The following GALNT13 variants were observed in gnomAD, a reference collection of about 807,000 sequenced individuals.
GALNT13 encodes polypeptide N-acetylgalactosaminyltransferase 13, also known as UDP-GalNAc:polypeptide N-acetylgalactosaminyltransferase 13.
In GALNT13, 28 loss-of-function variants were observed where a neutral mutation model predicts 64.2. That is an observed-to-expected ratio of 0.44 (90% CI 0.32 to 0.60). GALNT13 has a LOEUF of 0.60. GALNT13 is among the 20% of genes least tolerant of loss of function. GALNT13 has a pLI of 0.05. For synonymous variants in GALNT13, 214 were observed against 224.6 expected, an observed-to-expected ratio of 0.95 and a Z score of 0.42; for missense variants, 577 against 669.8, an observed-to-expected ratio of 0.86 and a Z score of 1.53.
At chr2:153,773,203 G>A in the GALNT13 span, among the ~76,000 whole-genome samples, 1 of 152,222 alleles carries the variant, frequency 6.6e-6, no homozygotes, top group African/African-American at 2.4e-5. Flanking sequence ...ACTAGGCAGA[G>A]TCACTGCTTG....
rs189788906 is a variant in GALNT13, at chr2:154,052,392, A to T, written c.143-87945A>T. On this transcript the variant is annotated intron_variant, in intron 3 of 12. Transcript: ENST00000392825. ...ACCTTCAAATGACCCCATTATCTCC[A>T]TGCATGAAACACCAGTTCAAGTGTA... is the stretch of plus-strand genomic sequence containing the variant. Among the ~76,000 whole-genome samples, 47 of 152,256 alleles carry T rather than the reference A, an allele frequency of 3.1e-4. 2 individuals carry two copies. Among genetic ancestry groups the T allele is most frequent in the Admixed American group, 2.7e-3 (41 of 15,302 alleles).
At chr2:154,273,919 TAAA>T (rs781711494) in intron 8 of GALNT13, among the ~76,000 whole-genome samples, 31 of 152,196 alleles carry the variant, frequency 2.0e-4, no homozygotes, top group Non-Finnish European at 3.8e-4. Context: ...TAAATAATAA[TAAA>T]ATCATTTTAC....
At chr2:154,430,627 GT>G (rs1260996903) in intron 11 of GALNT13, among the ~76,000 whole-genome samples, 3 of 152,164 alleles carry the variant, frequency 2.0e-5, no homozygotes, top group Non-Finnish European at 2.9e-5. Context: ...GCAGTGTCAG[GT>G]TTTGAGAGGA....
At chr2:153,494,506 G>A in the GALNT13 span, among the ~76,000 whole-genome samples, 2 of 151,870 alleles carry the variant, frequency 1.3e-5, no homozygotes, top group African/African-American at 4.8e-5. Context: ...CAATCCAATG[G>A]GGAAGGGAAC....
intron 3 of GALNT13, among the ~76,000 whole-genome samples, chr2:153,984,038 T>C (rs1000769072): frequency 6.6e-6 from 1 of 150,482 alleles, no homozygotes. Context: ...TCTCTTTCTA[T>C]AATAAAATTC....
At chr2:154,255,270 T>C (rs1260284838) in intron 7 of GALNT13, among the ~76,000 whole-genome samples, 1 of 152,270 alleles carries the variant, frequency 6.6e-6, no homozygotes, top group African/African-American at 2.4e-5. Context: ...GAAGTTATTG[T>C]AGAGGCGGGA....
At chr2:153,606,042 A>G in the GALNT13 span, among the ~76,000 whole-genome samples, 2 of 151,932 alleles carry the variant, frequency 1.3e-5, no homozygotes, top group Admixed American at 6.6e-5. Flanking sequence ...CCATATTTAT[A>G]CTCTTTAGTA....
chr2:153,875,387 A>G (rs1434773255), intron 1 of GALNT13, among the ~76,000 whole-genome samples: 1 of 152,228 alleles, frequency 6.6e-6, no homozygotes, highest in Non-Finnish European at 1.5e-5. Flanking sequence ...TAGCAAAGAC[A>G]TAATGAAGGT....
At chr2:154,455,595 C>CT (rs1702021594), downstream of GALNT13, among the ~76,000 whole-genome samples, 2 of 152,216 alleles carry the variant, frequency 1.3e-5, no homozygotes, top group South Asian at 2.1e-4. Flanking sequence ...GAAATCAGCC[C>CT]CTTATGTATA....
chr2:154,014,021 G>A (rs747072445), intron 3 of GALNT13, among the ~76,000 whole-genome samples: 2 of 152,312 alleles, frequency 1.3e-5, no homozygotes, highest in East Asian at 3.9e-4. Context: ...GGAGTGATCA[G>A]GCTGGGGCTC....
chr2:153,143,967 A>G, the GALNT13 span, among the ~76,000 whole-genome samples: 20 of 152,096 alleles, frequency 1.3e-4, no homozygotes, highest in Non-Finnish European at 2.4e-4. Flanking sequence ...CTAGGCATTC[A>G]TTGTCTAAGC....
intron 9 of GALNT13, among the ~76,000 whole-genome samples, chr2:154,343,844 C>T (rs1453011866): frequency 6.6e-6 from 1 of 152,050 alleles, no homozygotes; most frequent in African/African-American, 2.4e-5. Context: ...ATGAGCTATT[C>T]AAGCTTGGGA....
the GALNT13 span, among the ~76,000 whole-genome samples, chr2:153,402,699 C>T: frequency 6.6e-6 from 1 of 152,180 alleles, no homozygotes; most frequent in African/African-American, 2.4e-5. Context: ...TGCTGATACC[C>T]TTTCTTCCTG....
chr2:154,159,167 C>T (rs2105657942), intron 4 of GALNT13, among the ~76,000 whole-genome samples: 1 of 152,090 alleles, frequency 6.6e-6, no homozygotes, highest in Middle Eastern at 3.4e-3. Flanking sequence ...GACAGCCTCA[C>T]TCTGTTGCCC....
At chr2:153,174,907 T>C in the GALNT13 span, among the ~76,000 whole-genome samples, 74,704 of 134,686 alleles carry the variant, frequency 0.55, 18,906 homozygotes, top group East Asian at 0.84. Flanking sequence ...AATTCCAAAG[T>C]CACTTTCACA....
At chr2:154,170,568 A>C (rs2105698735) in intron 4 of GALNT13, among the ~76,000 whole-genome samples, 1 of 152,292 alleles carries the variant, frequency 6.6e-6, no homozygotes, top group East Asian at 1.9e-4. Flanking sequence ...TGTTATCCTA[A>C]TATGATTGCT....
intron 3 of GALNT13, among the ~76,000 whole-genome samples, chr2:154,070,871 C>T (rs1700704325): frequency 6.6e-6 from 1 of 151,294 alleles, no homozygotes; most frequent in African/African-American, 2.4e-5. Flanking sequence ...GCCGAGATTG[C>T]ACCGCTGAGC....
intron 9 of GALNT13, among the ~76,000 whole-genome samples, chr2:154,378,934 C>G (rs1698130829): frequency 6.6e-6 from 1 of 152,076 alleles, no homozygotes; most frequent in South Asian, 2.1e-4. Context: ...AGACTCTTCT[C>G]TCTTCATTTA....
intron 10 of GALNT13, among the ~76,000 whole-genome samples, chr2:154,402,637 G>C (rs1413362955): frequency 6.6e-6 from 1 of 152,174 alleles, no homozygotes; most frequent in African/African-American, 2.4e-5. Flanking sequence ...CTACTATTTT[G>C]ATTCAAGTTC....
Sources: gnomAD v4.1 joint callset for allele counts (sites outside exome capture counted in the v4.1 genomes callset) on GRCh38, gnomAD v4.1.1 for gene constraint, MANE v1.5 for transcripts, NCBI Gene and HGNC (gene_info 2026-07-23, HGNC 2026-07-21) for gene names.